The following SEMA5B variants were observed in gnomAD, a reference collection of about 807,000 sequenced individuals.
SEMA5B encodes semaphorin 5B.
A neutral mutation model predicts 135.0 loss-of-function variants in SEMA5B; 66 were observed. The observed-to-expected ratio is 0.49, with a 90% CI of 0.40 to 0.60. SEMA5B has a LOEUF of 0.60. Among genes scored for constraint, SEMA5B ranks in the 20% least tolerant of loss-of-function variants. The probability of loss-of-function intolerance (pLI) is 0.00; values close to 1 mark genes in which losing one functional copy is unlikely to be tolerated. For synonymous variants in SEMA5B, 690 were observed against 639.5 expected, an observed-to-expected ratio of 1.08 and a Z score of -1.19; for missense variants, 1,501 against 1,566.3, an observed-to-expected ratio of 0.96 and a Z score of 0.70.
intron 1 of SEMA5B, among the ~76,000 whole-genome samples, chr3:122,980,460 C>G (rs961696479): frequency 9.1e-6 from 1 of 109,824 alleles, no homozygotes; most frequent in African/African-American, 3.0e-5. Context: ...AAAGCCGTGT[C>G]AAAAAAAAAA....
chr3:123,013,610 C>T (rs1052466745), intron 1 of SEMA5B, among the ~76,000 whole-genome samples: 7 of 152,164 alleles, frequency 4.6e-5, no homozygotes, highest in Admixed American at 4.6e-4. Flanking sequence ...TGTGTGGCTC[C>T]CGGCTTTTCC....
intron 5 of SEMA5B, among the ~76,000 whole-genome samples, chr3:122,935,970 G>GGAGT (rs1415009519): frequency 6.6e-6 from 1 of 152,150 alleles, no homozygotes; most frequent in African/African-American, 2.4e-5. Context: ...TGGGAATACA[G>GGAGT]GAGTGAGCCA....
chr3:122,956,218 G>A (rs916935247), intron 2 of SEMA5B, among the ~76,000 whole-genome samples: 4 of 152,210 alleles, frequency 2.6e-5, no homozygotes, highest in African/African-American at 9.7e-5. Flanking sequence ...CCAAATCTTT[G>A]GCCAGAGCTT....
At position 122,915,880 on chromosome 3, in the gene SEMA5B, C is replaced by T. The variant is rs559386474; in HGVS notation, c.1699G>A (p.Gly567Arg). The T allele has an allele frequency of 2.5e-6, 4 of 1,613,888 alleles. No individual in the cohort carries two copies. The African/African-American group carries it at 5.3e-5, about 22-fold the overall frequency. The change falls in exon 13 of 23, where the codon GGG becomes AGG. Residue 567 changes from glycine to arginine, a missense_variant. Transcript: ENST00000357599. Reference protein sequence around the residue: ...AAYRSQGACLGARDPYCGWDG... With the variant: ...AAYRSQGACLRARDPYCGWDG... Reference sequence around the variant, plus strand: ...CAGCCACAGTACGGGTCCCGGGCCCCCAGGCATGCCCTGCCAGACAGACGT... The same window carrying T: ...CAGCCACAGTACGGGTCCCGGGCCCTCAGGCATGCCCTGCCAGACAGACGT...
intron 1 of SEMA5B, among the ~76,000 whole-genome samples, chr3:122,997,457 C>T (rs61575306): frequency 0.17 from 25,362 of 151,824 alleles, 3,582 homozygotes; most frequent in African/African-American, 0.39. Flanking sequence ...GACCTTACCC[C>T]ATCCCCTGGT....
At position 122,980,353 on chromosome 3, in the gene SEMA5B, G is replaced by A. The variant is rs182211506; in HGVS notation, c.-38-19052C>T. Among the ~76,000 whole-genome samples the A allele has an allele frequency of 3.6e-4, 55 of 152,158 alleles. No homozygotes were observed. In the East Asian group the frequency reaches 8.1e-3, roughly 22 times the overall value. On this transcript the variant is annotated intron_variant, in intron 1 of 22. Transcript: ENST00000357599. ...TGCATGCCTGTAATCCCAGCTACTC[G>A]GGAGGCTGAGGCAGGAGAATTGCTT...
intron 1 of SEMA5B, among the ~76,000 whole-genome samples, chr3:123,014,449 A>G (rs898559891): frequency 5.3e-5 from 8 of 152,264 alleles, no homozygotes; most frequent in Non-Finnish European, 8.8e-5. Context: ...CAAGCTCTTC[A>G]TGAAATCATT....
At chr3:123,025,843 T>C (rs751562984) in intron 1 of SEMA5B, among the ~76,000 whole-genome samples, 1 of 152,152 alleles carries the variant, frequency 6.6e-6, no homozygotes, top group African/African-American at 2.4e-5. Flanking sequence ...CCGTTGAAAA[T>C]CTAGACTTCG....
At chr3:122,961,441 C>T (rs554800660) in intron 1 of SEMA5B, 140 bp from the exon 2 acceptor site, 2 of 776,370 alleles carry the variant, frequency 2.6e-6, no homozygotes, top group South Asian at 4.3e-5. Context: ...TAACAAATCA[C>T]CACAGTAATG....
chr3:122,976,048 C>T (rs906860701), intron 1 of SEMA5B: 1 of 1,535,042 alleles, frequency 6.5e-7, no homozygotes, highest in Non-Finnish European at 8.7e-7. Flanking sequence ...TGCCCTCTCC[C>T]AAATGCCAGC....
At chr3:122,967,618 C>T (rs1472371975) in intron 1 of SEMA5B, among the ~76,000 whole-genome samples, 4 of 152,188 alleles carry the variant, frequency 2.6e-5, no homozygotes, top group Admixed American at 6.5e-5. Flanking sequence ...TCTCCAGGTG[C>T]AATGGATTCT....
intron 2 of SEMA5B, among the ~76,000 whole-genome samples, chr3:122,959,169 G>A (rs1335788770): frequency 3.9e-5 from 6 of 152,202 alleles, no homozygotes; most frequent in African/African-American, 1.4e-4. Flanking sequence ...CCATGTTATT[G>A]TGTACCCAGA....
At chr3:122,958,667 T>A (rs1316898626) in intron 2 of SEMA5B, among the ~76,000 whole-genome samples, 1 of 152,174 alleles carries the variant, frequency 6.6e-6, no homozygotes, top group Non-Finnish European at 1.5e-5. Context: ...TTTTAGACCA[T>A]CTGGGGGACT....
intron 1 of SEMA5B, among the ~76,000 whole-genome samples, chr3:122,969,359 TG>T (rs2107638552): frequency 6.6e-6 from 1 of 152,272 alleles, no homozygotes; most frequent in African/African-American, 2.4e-5. Flanking sequence ...CTCCTGGCTG[TG>T]GGGGCACAGA....
intron 1 of SEMA5B, among the ~76,000 whole-genome samples, chr3:122,974,642 C>T (rs1941248163): frequency 6.6e-6 from 1 of 152,150 alleles, no homozygotes; most frequent in African/African-American, 2.4e-5. Context: ...GAGTTCCAGC[C>T]CTGGGCCAGG....
chr3:122,922,920 A>G (rs1049683638), intron 10 of SEMA5B, among the ~76,000 whole-genome samples: 5 of 152,180 alleles, frequency 3.3e-5, no homozygotes, highest in African/African-American at 1.2e-4. Context: ...ACCTTCTCAC[A>G]TATCTGTGAG....
rs1056409885 is a variant in SEMA5B at position 122,927,486 on chromosome 3, C to T, written c.850+304G>A. ...GGGATTACAGGCATGAGCCACTATA[C>T]CTGGCCCCGTAATTTTTTCTTATCC... On this transcript the variant is annotated intron_variant, in intron 8 of 22. Coordinates refer to ENST00000357599, the MANE Select transcript of SEMA5B (RefSeq NM_001031702.4). Among the ~76,000 whole-genome samples, 75 of 152,300 alleles carry T rather than the reference C, an allele frequency of 4.9e-4. 1 individual carries two copies. The highest frequency in any genetic ancestry group is 1.8e-3 in the Admixed American group (27 of 15,302).
At chr3:122,999,237 T>C (rs1312014181) in intron 1 of SEMA5B, among the ~76,000 whole-genome samples, 1 of 151,990 alleles carries the variant, frequency 6.6e-6, no homozygotes, top group Non-Finnish European at 1.5e-5. Context: ...AGATTTTTCT[T>C]TTTTTTTAGA....
intron 2 of SEMA5B, among the ~76,000 whole-genome samples, chr3:122,960,513 A>G (rs1940528414): frequency 6.6e-6 from 1 of 152,240 alleles, no homozygotes; most frequent in Non-Finnish European, 1.5e-5. Flanking sequence ...TCGAAGAAAT[A>G]TTTGTACACA....
Sources: gnomAD v4.1 joint callset for allele counts (sites outside exome capture counted in the v4.1 genomes callset) on GRCh38, gnomAD v4.1.1 for gene constraint, MANE v1.5 for transcripts, NCBI Gene and HGNC (gene_info 2026-07-23, HGNC 2026-07-21) for gene names.